TASOR2: variants seen among roughly 807,000 people sequenced by gnomAD.
The protein encoded by TASOR2 is transcription activation suppressor family member 2.
Under a neutral mutation model 199.5 loss-of-function variants are expected in TASOR2, and 84 were observed. That is an observed-to-expected ratio of 0.42 (90% CI 0.35 to 0.50). TASOR2 has a LOEUF of 0.50. Ranked by LOEUF, TASOR2 falls within the 20% of genes least tolerant of loss-of-function variation. The pLI is 0.02. For synonymous variants in TASOR2, 1,103 were observed against 1,046.6 expected (o/e 1.05, Z -1.04); for missense variants, 2,796 against 2,835.9 (o/e 0.99, Z 0.32).
chr10:5,738,611 T>C lies in TASOR2; in HGVS notation c.1448-1007T>C, dbSNP rs1835944652. Among the ~76,000 whole-genome samples, 3 of 152,242 alleles carry C rather than the reference T, an allele frequency of 2.0e-5. No individual in the cohort carries two copies. In the South Asian group the frequency reaches 6.2e-4, roughly 32 times the overall value. ...ATGTATGTGCATGCCCTTGTCGTTC[T>C]AATTGATGACATCATAGGCTGGAGC... On this transcript the variant is annotated intron_variant, in intron 12 of 20. Transcript: ENST00000328090. The surrounding 1 kb of genome is among the most constrained non-coding windows in gnomAD (Gnocchi z 4.7).
intron 10 of TASOR2, among the ~76,000 whole-genome samples, chr10:5,727,864 G>A (rs10905065): frequency 0.53 from 79,738 of 151,832 alleles, 21,715 homozygotes; most frequent in Middle Eastern, 0.67. Context: ...GTATTCTACT[G>A]TATCCCTAGT....
chr10:5,715,233 T>TAA (rs35302172), intron 2 of TASOR2, among the ~76,000 whole-genome samples: 14 of 140,858 alleles, frequency 9.9e-5, no homozygotes, highest in South Asian at 4.5e-4. Flanking sequence ...TTTTTTTTTT[T>TAA]AAAAAAAAAC....
rs1837387596 is a variant in TASOR2, at chr10:5,698,241, A to G, written c.-288+13066A>G. 6.6e-6 allele frequency among the ~76,000 whole-genome samples: 1 copy of G among 152,188 alleles called. No individual in the cohort carries two copies. Among genetic ancestry groups the G allele is most frequent in the African/African-American group, 2.4e-5 (1 of 41,450 alleles). On this transcript the variant is annotated intron_variant, in intron 1 of 20. Coordinates refer to ENST00000328090, the Ensembl canonical transcript of TASOR2. This position sits in a 1 kb window ranked among gnomAD's most constrained non-coding sequence, Gnocchi z 4.4. ...TTCTCTTTCTATCTGTGCCATTTCC[A>G]TGAGAAAAACATGTCTCTGCTAGCT...
exon 21 of TASOR2, chr10:5,763,365 T>G (rs1840173183): frequency 8.4e-6 from 2 of 238,720 alleles, no homozygotes; most frequent in Non-Finnish European, 1.6e-5. Flanking sequence ...ACAAATAGCT[T>G]TGTTTTTGCA....
chr10:5,688,966 G>A (rs1398305802), intron 1 of TASOR2, among the ~76,000 whole-genome samples: 1 of 152,124 alleles, frequency 6.6e-6, no homozygotes, highest in Non-Finnish European at 1.5e-5. Context: ...TCATGCCACT[G>A]CACACCTTCC....
intron 1 of TASOR2, among the ~76,000 whole-genome samples, chr10:5,693,298 A>G (rs541112116): frequency 6.6e-6 from 1 of 152,352 alleles, no homozygotes; most frequent in Admixed American, 6.5e-5. Flanking sequence ...AGCTAAGGTC[A>G]TCTTTTGAAA....
chr10:5,752,597 A>C lies in TASOR2; in HGVS notation c.6606+2570A>C, dbSNP rs1407923306. Among the ~76,000 whole-genome samples, 2 of 152,232 alleles carry C rather than the reference A, an allele frequency of 1.3e-5. No homozygotes were observed. Among genetic ancestry groups the C allele is most frequent in the Non-Finnish European group, 2.9e-5 (2 of 68,034 alleles). On this transcript the variant is annotated intron_variant, in intron 15 of 20. Transcript: ENST00000328090. This position sits in a 1 kb window ranked among gnomAD's most constrained non-coding sequence, Gnocchi z 4.4. ...TGGATTACTGAGTAACGAGTTACTT[A>C]GTAATGAAGGACACGTGTCCCTTAT...
exon 8 of TASOR2, chr10:5,724,433 G>T: frequency 6.6e-7 from 1 of 1,515,126 alleles, no homozygotes; most frequent in Non-Finnish European, 8.9e-7. Flanking sequence ...TCTACAGTCT[G>T]TTTTCAAGAT....
chr10:5,692,799 C>G (rs1476797907), intron 1 of TASOR2: 1 of 152,202 alleles, frequency 6.6e-6, no homozygotes, highest in Non-Finnish European at 1.5e-5. Context: ...GCGCCCTACA[C>G]GCTCAGCACG....
intron 1 of TASOR2, chr10:5,709,480 C>T: frequency 8.8e-7 from 1 of 1,132,966 alleles, no homozygotes; most frequent in Non-Finnish European, 1.1e-6. Flanking sequence ...AGTAAATATG[C>T]TATAAATAGA....
chr10:5,718,415 C>G (rs552044105), intron 3 of TASOR2, among the ~76,000 whole-genome samples: 139 of 148,864 alleles, frequency 9.3e-4, no homozygotes, highest in African/African-American at 3.3e-3. Flanking sequence ...AAAACAAGAG[C>G]CTGTGAATTC....
intron 2 of TASOR2, among the ~76,000 whole-genome samples, chr10:5,717,060 T>C (rs1832756853): frequency 6.7e-6 from 1 of 149,132 alleles, no homozygotes; most frequent in Admixed American, 6.7e-5. Flanking sequence ...TTTTCCTACA[T>C]TGCTACAATC....
At chr10:5,718,761 C>A (rs1457120119) in intron 3 of TASOR2, among the ~76,000 whole-genome samples, 39 of 134,646 alleles carry the variant, frequency 2.9e-4, no homozygotes, top group East Asian at 4.2e-4. Flanking sequence ...AACTCTGTCT[C>A]AAAAAAAAAA....
rs1455985462 is a variant in TASOR2 at position 5,751,048 on chromosome 10, G to GAATACTCAGATATCATGT, written c.6606+1023_6606+1040dup. On this transcript the variant is annotated intron_variant, in intron 15 of 20. Coordinates refer to ENST00000328090, the Ensembl canonical transcript of TASOR2. This position sits in a 1 kb window ranked among gnomAD's most constrained non-coding sequence, Gnocchi z 5.3. ...TCCATGACTTAGGCATTTTAGATGA[G>GAATACTCAGATATCATGT]AATACTCAGATATCATGTAGTGCTC... is the stretch of plus-strand genomic sequence containing the variant. Among the ~76,000 whole-genome samples, 1 of 152,184 alleles carries GAATACTCAGATATCATGT rather than the reference G, an allele frequency of 6.6e-6. No individual in the cohort carries two copies. Among genetic ancestry groups the GAATACTCAGATATCATGT allele is most frequent in the Non-Finnish European group, 1.5e-5 (1 of 68,030 alleles).
At chr10:5,704,049 C>A (rs1838257737) in intron 1 of TASOR2, among the ~76,000 whole-genome samples, 1 of 151,740 alleles carries the variant, frequency 6.6e-6, no homozygotes, top group South Asian at 2.1e-4. Flanking sequence ...GATGGTGAAA[C>A]CCCATCTCTA....
At chr10:5,718,731 C>T (rs1441076992) in intron 3 of TASOR2, among the ~76,000 whole-genome samples, 2 of 148,410 alleles carry the variant, frequency 1.3e-5, no homozygotes, top group East Asian at 3.9e-4. Context: ...TGCACTCCAT[C>T]CTGGGTAACA....
intron 14 of TASOR2, among the ~76,000 whole-genome samples, chr10:5,745,078 T>C (rs1836991598): frequency 6.6e-6 from 1 of 152,212 alleles, no homozygotes; most frequent in African/African-American, 2.4e-5. Context: ...CATTTTATTA[T>C]ATGCTCGACA....
rs12259510 is a variant in TASOR2 at position 5,762,651 on chromosome 10, G to A, written c.7289+5G>A. Reference sequence around the variant, plus strand: ...TCCATTTAGGAGTAGCTATTGGTAAGAACACTTTTTATGTAACTTTCCCAT... The same window carrying A: ...TCCATTTAGGAGTAGCTATTGGTAAAAACACTTTTTATGTAACTTTCCCAT... On this transcript the variant is annotated splice_donor_5th_base_variant and intron_variant, in intron 20 of 20. Transcript: ENST00000328090. The A allele has an allele frequency of 7.8e-7, 1 of 1,287,196 alleles. No homozygotes were observed. Among genetic ancestry groups the A allele is most frequent in the East Asian group, 2.4e-5 (1 of 41,634 alleles). The allele number at this position is 1,287,196 out of a possible 1,614,324, so 79.7% of individuals were successfully genotyped here.
At chr10:5,757,792 A>T in intron 17 of TASOR2, 119 bp downstream of exon 18, 1 of 1,038,908 alleles carries the variant, frequency 9.6e-7, no homozygotes. Flanking sequence ...GTTGCCCCCT[A>T]CTGAGGCATA....
Sources: gnomAD v4.1 joint callset for allele counts (sites outside exome capture counted in the v4.1 genomes callset) on GRCh38, gnomAD v4.1.1 for gene constraint, Gnocchi (gnomAD v3.1) non-coding constraint, MANE v1.5 for transcripts, NCBI Gene and HGNC (gene_info 2026-07-23, HGNC 2026-07-21) for gene names.